Variants in THSD4 observed in about 807,000 individuals in gnomAD.
THSD4 encodes the protein thrombospondin type-1 domain-containing protein 4.
A neutral mutation model predicts 119.0 loss-of-function variants in THSD4; 69 were observed. That is an observed-to-expected ratio of 0.58 (90% CI 0.48 to 0.71). The LOEUF (loss-of-function observed/expected upper bound fraction) is 0.71. THSD4 is among the 30% of genes least tolerant of loss of function. THSD4 has a pLI of 0.00. For synonymous variants in THSD4, 524 were observed against 540.4 expected (o/e 0.97, Z 0.42); for missense variants, 1,393 against 1,391.1 (o/e 1.00, Z -0.02).
At chr15:71,731,031 C>G in intron 9 of THSD4, 90 bp from the exon 10 acceptor site, 2 of 1,227,654 alleles carry the variant, frequency 1.6e-6, no homozygotes, top group Non-Finnish European at 2.4e-6. Context: ...CCAACCCAGT[C>G]ATTTCTCAGT....
intron 8 of THSD4, among the ~76,000 whole-genome samples, chr15:71,695,335 A>ATG (rs375939547): frequency 1.3e-5 from 2 of 151,434 alleles, no homozygotes; most frequent in Admixed American, 6.6e-5. Context: ...TTGTATGTGT[A>ATG]TGTGTGTGTG....
chr15:71,390,735 G>A (rs892657692), intron 6 of THSD4, among the ~76,000 whole-genome samples: 97 of 151,844 alleles, frequency 6.4e-4, no homozygotes, highest in African/African-American at 2.3e-3. Flanking sequence ...GAATAACTGG[G>A]ATTACTGTCA....
At chr15:71,757,080 G>A (rs957594429) in intron 14 of THSD4, among the ~76,000 whole-genome samples, 3 of 152,180 alleles carry the variant, frequency 2.0e-5, no homozygotes, top group South Asian at 2.1e-4. Context: ...ACATTATACA[G>A]TCTCCATAGC....
Position 71,153,949 on chromosome 15 carries a change from C to T in THSD4, c.30-914C>T, listed in dbSNP as rs557571366. ...AGGTTACATTTCCAATCACATTCAG[C>T]GGGACTTGGGGCAGGAGAGGGAGTG... On this transcript the variant is annotated intron_variant, in intron 2 of 17. Transcript: ENST00000261862. Among the ~76,000 whole-genome samples, 57 of 152,234 alleles carry T rather than the reference C, an allele frequency of 3.7e-4. 1 individual carries two copies. In the South Asian group the frequency reaches 8.1e-3, roughly 22 times the overall value.
chr15:71,363,114 A>G (rs1319705184), intron 6 of THSD4, among the ~76,000 whole-genome samples: 1 of 152,180 alleles, frequency 6.6e-6, no homozygotes, highest in Middle Eastern at 3.2e-3. Context: ...TGTAAAGGGT[A>G]CAGAGTGTGT....
chr15:71,674,940 G>A (rs1184895190), intron 8 of THSD4, among the ~76,000 whole-genome samples: 1 of 152,198 alleles, frequency 6.6e-6, no homozygotes, highest in Non-Finnish European at 1.5e-5. Flanking sequence ...CAGTGCTGAA[G>A]TTTTGTAGGC....
chr15:71,343,998 TG>T (rs1253529417), intron 6 of THSD4, among the ~76,000 whole-genome samples: 1 of 148,476 alleles, frequency 6.7e-6, no homozygotes, highest in Non-Finnish European at 1.5e-5. Flanking sequence ...GGGGTGGGGG[TG>T]GGGGTTACAG....
intron 7 of THSD4, among the ~76,000 whole-genome samples, chr15:71,491,854 G>A (rs2047924310): frequency 6.6e-6 from 1 of 152,050 alleles, no homozygotes; most frequent in Admixed American, 6.6e-5. Flanking sequence ...GGTTGACAGA[G>A]TGAGGCCCCG....
chr15:71,423,716 A>G (rs1357770035), intron 7 of THSD4, among the ~76,000 whole-genome samples: 3 of 152,162 alleles, frequency 2.0e-5, no homozygotes, highest in African/African-American at 7.2e-5. Flanking sequence ...CCCCAAGTCC[A>G]CTAGCTCCAA....
intron 1 of THSD4, among the ~76,000 whole-genome samples, chr15:71,103,677 G>A (rs543930277): frequency 1.3e-5 from 2 of 151,862 alleles, no homozygotes; most frequent in Non-Finnish European, 2.9e-5. Context: ...CCCTCTCTTG[G>A]AATCTTAGAT....
intron 5 of THSD4, among the ~76,000 whole-genome samples, chr15:71,252,820 C>T (rs753663521): frequency 1.6e-4 from 25 of 152,180 alleles, no homozygotes; most frequent in Non-Finnish European, 3.4e-4. Context: ...ATGTAAATCA[C>T]ATAGTGGAAT....
intron 7 of THSD4, among the ~76,000 whole-genome samples, chr15:71,557,889 T>TA (rs1265114670): frequency 1.3e-5 from 2 of 152,224 alleles, no homozygotes; most frequent in Non-Finnish European, 2.9e-5. Context: ...CAGAATACTG[T>TA]AAATTTTACT....
At chr15:71,759,534 A>C (rs77667039) in intron 15 of THSD4, among the ~76,000 whole-genome samples, 2 of 152,312 alleles carry the variant, frequency 1.3e-5, no homozygotes, top group South Asian at 2.1e-4. Flanking sequence ...CCATCTCTCT[A>C]TGTTTATTTT....
intron 3 of THSD4, among the ~76,000 whole-genome samples, chr15:71,183,759 T>C (rs991382812): frequency 6.6e-6 from 1 of 151,740 alleles, no homozygotes; most frequent in African/African-American, 2.4e-5. Context: ...ACATCAGAGT[T>C]CCCCAGCCTT....
At chr15:71,626,357 A>G (rs945035455) in intron 7 of THSD4, among the ~76,000 whole-genome samples, 2 of 152,186 alleles carry the variant, frequency 1.3e-5, no homozygotes, top group Non-Finnish European at 2.9e-5. Context: ...TTATTGAACA[A>G]CATGGTGACT....
In THSD4 at chr15:71,145,639, A is replaced by G. The variant is rs1025293944; in HGVS notation, c.29+4083A>G. Among the ~76,000 whole-genome samples the G allele has an allele frequency of 2.6e-4, 39 of 152,354 alleles. 4 individuals carry two copies. The highest frequency in any genetic ancestry group is 2.0e-3 in the Admixed American group (30 of 15,308). On this transcript the variant is annotated intron_variant, in intron 2 of 17. Transcript: ENST00000261862. ...AGATCCTGAATACAGAAAGGAAGAA[A>G]GGGGTTAAGAAAACGTGTTTTTATG...
chr15:71,337,003 A>G (rs566201575), intron 6 of THSD4, among the ~76,000 whole-genome samples: 37 of 152,228 alleles, frequency 2.4e-4, no homozygotes, highest in African/African-American at 8.7e-4. Context: ...GGGCTAAATC[A>G]GAGAGAGAGG....
chr15:71,727,567 T>A (rs1224738062), intron 8 of THSD4, among the ~76,000 whole-genome samples: 2 of 91,980 alleles, frequency 2.2e-5, no homozygotes, highest in African/African-American at 1.5e-4. Context: ...TATATATATA[T>A]ATATATATAT....
Position 71,741,684 on chromosome 15 carries a change from T to TACAC in THSD4, c.1907-3381_1907-3378dup, listed in dbSNP as rs56080459. Among the ~76,000 whole-genome samples the TACAC allele has an allele frequency of 3.8e-3, 549 of 145,828 alleles. 3 individuals carry two copies. The highest frequency in any genetic ancestry group is 0.012 in the African/African-American group (473 of 38,898). On this transcript the variant is annotated intron_variant, in intron 11 of 17. Transcript: ENST00000261862. The stretch of plus-strand genomic sequence containing the variant: ...GCCCATATACACCCATGTGTGCATG[T>TACAC]ACACACACACACACACACACACACA...
Sources: gnomAD v4.1 joint callset for allele counts (sites outside exome capture counted in the v4.1 genomes callset) on GRCh38, gnomAD v4.1.1 for gene constraint, MANE v1.5 for transcripts, NCBI Gene and HGNC (gene_info 2026-07-23, HGNC 2026-07-21) for gene names.